Variants in RNF157 observed in about 807,000 individuals in gnomAD.
RNF157 encodes the protein ring finger protein 157.
RNF157 carries 55 observed loss-of-function variants against 88.3 expected under a neutral mutation model. The observed-to-expected ratio is 0.62, with a 90% CI of 0.50 to 0.78. The LOEUF is 0.78. RNF157 is among the 30% of genes least tolerant of loss of function. RNF157 has a pLI of 0.00. For synonymous variants in RNF157, 334 were observed against 341.2 expected (o/e 0.98, Z 0.23); for missense variants, 788 against 860.8 (o/e 0.92, Z 1.06).
chr17:76,190,348 GTA>G (rs2144940962), intron 2 of RNF157, among the ~76,000 whole-genome samples: 1 of 152,036 alleles, frequency 6.6e-6, no homozygotes, highest in African/African-American at 2.4e-5. Context: ...TATATTTTTA[GTA>G]GAGACGGAGT....
intron 1 of RNF157, among the ~76,000 whole-genome samples, chr17:76,231,641 G>C (rs1180249605): frequency 6.8e-6 from 1 of 147,120 alleles, no homozygotes; most frequent in East Asian, 2.0e-4. Context: ...ATTTAAAAAA[G>C]AAAAAAAAAA....
rs1043959598 is a variant in RNF157 at position 76,165,434 on chromosome 17, G to A, written c.672+68C>T. Reference sequence around the variant, plus strand: ...GCTGAGCTCAGGCACCCAGCAAACGGGTTACATGTGTCTCACACGAAAGAA... The same window carrying A: ...GCTGAGCTCAGGCACCCAGCAAACGAGTTACATGTGTCTCACACGAAAGAA... On this transcript the variant is annotated intron_variant, in intron 7 of 18. Transcript: ENST00000269391. 7 of 1,528,574 alleles carry A rather than the reference G, an allele frequency of 4.6e-6. No homozygotes were observed. The Admixed American group carries it at 6.7e-5, about 15-fold the overall frequency. 94.7% of individuals were successfully genotyped at this position (1,528,574 alleles called of 1,614,324 possible). A position where few individuals can be genotyped will look rare whatever the true frequency, so the allele number is the denominator to read the frequency against.
chr17:76,203,246 C>T (rs1305178148), intron 2 of RNF157, among the ~76,000 whole-genome samples: 1 of 152,138 alleles, frequency 6.6e-6, no homozygotes. Context: ...CCACCTCAGT[C>T]TCCCAAAATG....
rs755261505 is a variant in RNF157, at chr17:76,166,487, A to T, written c.602T>A (p.Val201Glu). Reference protein sequence around the residue: ...DLDREVYPLVVHAVVDEGDEY... With the variant: ...DLDREVYPLVEHAVVDEGDEY... ...GTCTCCTTCATCCACCACGGCATGT[A>T]CCACTAGAGGGTAAACTTCTCGGTC... is the stretch of plus-strand genomic sequence containing the variant. The change falls in exon 6 of 19, where the codon GTA (valine) becomes GAA (glutamate). Residue 201 changes from valine to glutamate, a missense_variant. Transcript: ENST00000269391. The T allele has an allele frequency of 6.2e-7, 1 of 1,614,110 alleles. No individual in the cohort carries two copies.
chr17:76,228,660 C>T (rs1158231400), intron 1 of RNF157, among the ~76,000 whole-genome samples: 2 of 152,182 alleles, frequency 1.3e-5, no homozygotes, highest in Non-Finnish European at 2.9e-5. Context: ...CAGTGGCTCA[C>T]ACCTGTAATC....
chr17:76,153,157 C>G (rs775640157), intron 17 of RNF157: 21 of 152,274 alleles, frequency 1.4e-4, no homozygotes, highest in African/African-American at 4.1e-4. Context: ...ATCCATTCCA[C>G]GGGCTAGGGA....
chr17:76,166,407 A>G, intron 6 of RNF157, 54 bp downstream of exon 6: 1 of 1,447,650 alleles, frequency 6.9e-7, no homozygotes, highest in South Asian at 1.1e-5. Flanking sequence ...GCTGCCAGGA[A>G]TATGCCACAA....
intron 1 of RNF157, among the ~76,000 whole-genome samples, chr17:76,221,725 T>C (rs2069986045): frequency 6.6e-6 from 1 of 152,164 alleles, no homozygotes; most frequent in African/African-American, 2.4e-5. Flanking sequence ...ACAGAAGTAC[T>C]ATTTATAATA....
chr17:76,236,414 C>T (rs769354787), intron 1 of RNF157, among the ~76,000 whole-genome samples: 5 of 152,168 alleles, frequency 3.3e-5, no homozygotes, highest in African/African-American at 1.2e-4. Context: ...CAACCATCTC[C>T]GCAAAGCCAT....
intron 18 of RNF157, chr17:76,147,440 C>T (rs946441528): frequency 1.8e-5 from 11 of 595,052 alleles, no homozygotes; most frequent in Non-Finnish European, 2.3e-5. Flanking sequence ...AATGCTGGGC[C>T]GGAGAGGCTG....
intron 1 of RNF157, among the ~76,000 whole-genome samples, chr17:76,230,696 G>C (rs1483174097): frequency 6.6e-6 from 1 of 152,004 alleles, no homozygotes; most frequent in Admixed American, 6.6e-5. Flanking sequence ...AAATTAGCCA[G>C]GCATGGTGGC....
At chr17:76,214,116 T>G (rs1052062375) in intron 1 of RNF157, among the ~76,000 whole-genome samples, 4 of 152,146 alleles carry the variant, frequency 2.6e-5, no homozygotes, top group Admixed American at 6.6e-5. Flanking sequence ...TAAAACAACC[T>G]GGGGCTTGCG....
intron 2 of RNF157, chr17:76,175,633 G>A (rs553908673): frequency 2.6e-4 from 82 of 318,870 alleles, no homozygotes; most frequent in African/African-American, 1.5e-3. Flanking sequence ...CGACACAAAC[G>A]CTAGTCTATT....
chr17:76,156,600 C>T, intron 13 of RNF157: 2 of 853,172 alleles, frequency 2.3e-6, no homozygotes, highest in Non-Finnish European at 1.4e-6. Context: ...TCGGGTGACA[C>T]AGGTCACCCT....
chr17:76,224,667 G>A (rs1017056608), intron 1 of RNF157, among the ~76,000 whole-genome samples: 5 of 151,730 alleles, frequency 3.3e-5, no homozygotes, highest in African/African-American at 1.2e-4. Flanking sequence ...AAAGAAGAAT[G>A]GTCTTACGCC....
chr17:76,145,715 G>A (rs1190143262), intron 18 of RNF157, among the ~76,000 whole-genome samples: 3 of 152,170 alleles, frequency 2.0e-5, no homozygotes, highest in African/African-American at 7.2e-5. Flanking sequence ...AAGGAAATTG[G>A]GCCTTGCTGA....
chr17:76,192,558 A>G (rs934683309), intron 2 of RNF157, among the ~76,000 whole-genome samples: 2 of 152,214 alleles, frequency 1.3e-5, no homozygotes, highest in African/African-American at 4.8e-5. Context: ...GCATATGCCC[A>G]TGGTGACTCT....
intron 2 of RNF157, among the ~76,000 whole-genome samples, chr17:76,185,171 C>T (rs950359216): frequency 5.3e-5 from 8 of 152,158 alleles, no homozygotes; most frequent in Non-Finnish European, 7.3e-5. Context: ...TCATTAAACA[C>T]ACCTACATGG....
intron 2 of RNF157, among the ~76,000 whole-genome samples, chr17:76,204,427 T>A (rs1457925941): frequency 6.6e-6 from 1 of 152,208 alleles, no homozygotes; most frequent in African/African-American, 2.4e-5. Context: ...TGGGGGCACA[T>A]CAGCTGCCCC....
Sources: gnomAD v4.1 joint callset for allele counts (sites outside exome capture counted in the v4.1 genomes callset) on GRCh38, gnomAD v4.1.1 for gene constraint, MANE v1.5 for transcripts, NCBI Gene and HGNC (gene_info 2026-07-23, HGNC 2026-07-21) for gene names.